Variants in EEPD1 observed in about 807,000 individuals in gnomAD.
The protein encoded by EEPD1 is endonuclease/exonuclease/phosphatase family domain-containing protein 1.
In EEPD1, 17 loss-of-function variants were observed where a neutral mutation model predicts 46.3. The ratio of observed to expected loss-of-function variants is 0.37; its 90% CI spans 0.25 to 0.55. The LOEUF is 0.55. Ranked by LOEUF, EEPD1 falls within the 20% of genes least tolerant of loss-of-function variation. The probability of loss-of-function intolerance (pLI) is 0.83; values close to 1 mark genes in which losing one functional copy is unlikely to be tolerated. For missense variants in EEPD1, 673 were observed against 745.6 expected, an observed-to-expected ratio of 0.90 and a Z score of 1.13; for synonymous variants, 313 against 315.6, an observed-to-expected ratio of 0.99 and a Z score of 0.09.
Position 36,175,808 on chromosome 7 carries a change from C to T in EEPD1, c.878+20606C>T, listed in dbSNP as rs528475351. Among the ~76,000 whole-genome samples, 7 of 152,330 alleles carry T rather than the reference C, an allele frequency of 4.6e-5. No individual in the cohort carries two copies. In the South Asian group the frequency reaches 1.4e-3, roughly 32 times the overall value. Reference sequence around the variant, plus strand: ...TTTAAAGGTACAAGGAGCGGTGCCACCACTGTGGGGACCGCAGCTGGACCT... The same window carrying T: ...TTTAAAGGTACAAGGAGCGGTGCCATCACTGTGGGGACCGCAGCTGGACCT... On this transcript the variant is annotated intron_variant, in intron 2 of 7. Transcript: ENST00000242108.
chr7:36,284,944 A>G, intron 5 of EEPD1, 124 bp downstream of exon 5: 1 of 1,291,782 alleles, frequency 7.7e-7, no homozygotes, highest in Non-Finnish European at 1.0e-6. Flanking sequence ...TCAGCCTCTC[A>G]TGATTGGAGA....
chr7:36,163,792 G>GGTGTGGACCTC (rs999274682), intron 2 of EEPD1, among the ~76,000 whole-genome samples: 15 of 151,794 alleles, frequency 9.9e-5, no homozygotes, highest in Non-Finnish European at 1.6e-4. Context: ...GCAGGAGAAT[G>GGTGTGGACCTC]GTGTGGACCT....
intron 3 of EEPD1, among the ~76,000 whole-genome samples, chr7:36,245,828 G>A (rs1393975148): frequency 6.6e-6 from 1 of 152,192 alleles, no homozygotes; most frequent in Non-Finnish European, 1.5e-5. Context: ...CCAAGAGCAA[G>A]AACTTGCTGT....
Position 36,299,044 on chromosome 7 carries a change from T to G in EEPD1, c.1548T>G (p.Pro516=). The change falls in exon 8 of 8, where the codon CCT becomes CCG. Residue 516 remains proline (P), a synonymous_variant. Transcript: ENST00000242108. ...WAVVREGLTN[P]WIPDNWSWGG... ...TGGTGAGAGAAGGCCTCACGAACCC[T>G]TGGATTCCGGATAACTGGTCTTGGG... The G allele has an allele frequency of 1.2e-6, 2 of 1,614,062 alleles. No homozygotes were observed. The highest frequency in any genetic ancestry group is 1.7e-6 in the Non-Finnish European group (2 of 1,179,986).
At chr7:36,259,156 G>A (rs1270740026) in intron 3 of EEPD1, among the ~76,000 whole-genome samples, 1 of 152,106 alleles carries the variant, frequency 6.6e-6, no homozygotes, top group Non-Finnish European at 1.5e-5. Flanking sequence ...GGTTCAGCTC[G>A]CCCTCCGTGG....
At chr7:36,229,613 G>T (rs1786286997) in intron 2 of EEPD1, among the ~76,000 whole-genome samples, 1 of 151,968 alleles carries the variant, frequency 6.6e-6, no homozygotes, top group South Asian at 2.1e-4. Flanking sequence ...CTGAAACCTG[G>T]CATCATCTCC....
intron 2 of EEPD1, among the ~76,000 whole-genome samples, chr7:36,235,971 C>A (rs2115775503): frequency 6.7e-6 from 1 of 149,100 alleles, no homozygotes; most frequent in East Asian, 2.0e-4. Flanking sequence ...GTCACCCAGG[C>A]TGGAGTGCAG....
At chr7:36,263,904 AAG>A (rs1216071285) in intron 3 of EEPD1, among the ~76,000 whole-genome samples, 2 of 152,214 alleles carry the variant, frequency 1.3e-5, no homozygotes, top group Non-Finnish European at 2.9e-5. Context: ...ATTTGCGAGT[AAG>A]AGGGGAGGAA....
intron 2 of EEPD1, among the ~76,000 whole-genome samples, chr7:36,184,794 G>A (rs1259970579): frequency 6.6e-6 from 1 of 151,948 alleles, no homozygotes; most frequent in African/African-American, 2.4e-5. Flanking sequence ...GCAGTGGTGC[G>A]ATCTCAGCTC....
At chr7:36,253,092 G>A in intron 3 of EEPD1, among the ~76,000 whole-genome samples, 1 of 151,764 alleles carries the variant, frequency 6.6e-6, no homozygotes, top group East Asian at 1.9e-4. Flanking sequence ...CAGTAAAGAA[G>A]ATCTACCCCC....
chr7:36,238,089 T>C (rs568212252), intron 2 of EEPD1, among the ~76,000 whole-genome samples: 2 of 152,292 alleles, frequency 1.3e-5, no homozygotes, highest in East Asian at 1.9e-4. Context: ...TTAGACCATA[T>C]AGGGTAACTT....
intron 2 of EEPD1, among the ~76,000 whole-genome samples, chr7:36,180,248 A>G (rs1562676148): frequency 6.6e-6 from 1 of 152,212 alleles, no homozygotes; most frequent in Non-Finnish European, 1.5e-5. Context: ...GTGGGCATGA[A>G]AGTCACTTAT....
At chr7:36,204,331 C>T (rs1018299822) in intron 2 of EEPD1, among the ~76,000 whole-genome samples, 1 of 152,114 alleles carries the variant, frequency 6.6e-6, no homozygotes. Context: ...CCACTGTGCC[C>T]AGCCATAAAT....
intron 2 of EEPD1, among the ~76,000 whole-genome samples, chr7:36,170,968 G>T (rs373933309): frequency 7.2e-5 from 11 of 152,132 alleles, no homozygotes; most frequent in African/African-American, 2.2e-4. Flanking sequence ...CACCCAGGCT[G>T]TGGAGTACAG....
At chr7:36,197,053 G>C (rs1785612161) in intron 2 of EEPD1, among the ~76,000 whole-genome samples, 1 of 149,986 alleles carries the variant, frequency 6.7e-6, no homozygotes, top group African/African-American at 2.5e-5. Flanking sequence ...GAGCGCCTCG[G>C]CCCGGCCACG....
At chr7:36,233,476 C>T (rs1240665206) in intron 2 of EEPD1, among the ~76,000 whole-genome samples, 1 of 152,244 alleles carries the variant, frequency 6.6e-6, no homozygotes, top group African/African-American at 2.4e-5. Context: ...TGAGCGCTTT[C>T]CATGTGCCAG....
chr7:36,299,410 G>A lies in EEPD1; in HGVS notation c.*204G>A. ...GTGCCAGGCGCGTACCCCACCAGGT[G>A]GGCAAAGCAGAAACCTGCGGGGAGC... On this transcript the variant is annotated 3_prime_UTR_variant, in exon 8 of 8. Transcript: ENST00000242108. 1 of 637,046 alleles carries A rather than the reference G, an allele frequency of 1.6e-6. No homozygotes were observed. Among genetic ancestry groups the A allele is most frequent in the Non-Finnish European group, 2.7e-6 (1 of 373,822 alleles). 39.5% of individuals were successfully genotyped at this position (637,046 alleles called of 1,614,324 possible).
chr7:36,245,829 A>C (rs1786631533), intron 3 of EEPD1, among the ~76,000 whole-genome samples: 1 of 152,180 alleles, frequency 6.6e-6, no homozygotes, highest in East Asian at 1.9e-4. Flanking sequence ...CAAGAGCAAG[A>C]ACTTGCTGTA....
At chr7:36,200,098 T>C (rs1785688972) in intron 2 of EEPD1, among the ~76,000 whole-genome samples, 2 of 44,460 alleles carry the variant, frequency 4.5e-5, no homozygotes. Flanking sequence ...TAGTACCCAA[T>C]AGTTTTTTTT....
Sources: gnomAD v4.1 joint callset for allele counts (sites outside exome capture counted in the v4.1 genomes callset) on GRCh38, gnomAD v4.1.1 for gene constraint, MANE v1.5 for transcripts, NCBI Gene and HGNC (gene_info 2026-07-23, HGNC 2026-07-21) for gene names.